Variants in MAPRE1 observed in about 807,000 individuals in gnomAD.
MAPRE1 encodes the protein microtubule associated protein RP/EB family member 1, also known as microtubule-associated protein RP/EB family member 1.
A neutral mutation model predicts 32.1 loss-of-function variants in MAPRE1; 5 were observed. The ratio of observed to expected loss-of-function variants is 0.16; its 90% CI spans 0.08 to 0.33. The LOEUF is 0.33. Ranked by LOEUF, MAPRE1 falls within the 10% of genes least tolerant of loss-of-function variation. The probability of loss-of-function intolerance (pLI) is 1.00; values close to 1 mark genes in which losing one functional copy is unlikely to be tolerated. For missense variants in MAPRE1, 209 were observed against 327.2 expected, an observed-to-expected ratio of 0.64 and a Z score of 2.79; for synonymous variants, 122 against 118.9, an observed-to-expected ratio of 1.03 and a Z score of -0.17.
At chr20:32,847,993 A>G (rs1456603462) in intron 6 of MAPRE1, among the ~76,000 whole-genome samples, 1 of 152,146 alleles carries the variant, frequency 6.6e-6, no homozygotes, top group East Asian at 1.9e-4. Context: ...TTATTGAGAG[A>G]AGATGTTAGA....
chr20:32,837,016 G>A (rs749874266), intron 4 of MAPRE1, among the ~76,000 whole-genome samples, 175 bp downstream of exon 4: 2 of 152,142 alleles, frequency 1.3e-5, no homozygotes, highest in South Asian at 4.1e-4. Context: ...GTGTCCTTAG[G>A]TGTCTGTAGC....
intron 2 of MAPRE1, among the ~76,000 whole-genome samples, chr20:32,831,464 C>CTT (rs76802491): frequency 7.4e-6 from 1 of 136,012 alleles, no homozygotes; most frequent in Non-Finnish European, 1.6e-5. Flanking sequence ...AAGTTGTTGA[C>CTT]TTTTTTTTTT....
rs568368208 is a variant in MAPRE1, at chr20:32,841,369, G to A, written c.597+1513G>A. On this transcript the variant is annotated intron_variant, in intron 5 of 6. Transcript: ENST00000375571. ...TACGAGAGAGTAAAGAGTGGTTAAT[G>A]TTGAGGCTGGGTAGCAGCGACTTGA... Among the ~76,000 whole-genome samples, 221 of 152,200 alleles carry A rather than the reference G, an allele frequency of 1.5e-3. 1 individual carries two copies. The highest frequency in any genetic ancestry group is 4.9e-3 in the African/African-American group (204 of 41,524).
chr20:32,844,129 C>T (rs995554996), intron 5 of MAPRE1, among the ~76,000 whole-genome samples: 3 of 152,170 alleles, frequency 2.0e-5, no homozygotes, highest in African/African-American at 7.2e-5. Context: ...GCTGGGATTA[C>T]AGATGTGAGC....
At chr20:32,824,717 C>T (rs1404809139) in intron 1 of MAPRE1, among the ~76,000 whole-genome samples, 2 of 151,292 alleles carry the variant, frequency 1.3e-5, no homozygotes, top group Middle Eastern at 3.4e-3. Context: ...ATCTCACTGC[C>T]TCAACCTCTT....
At position 32,839,819 on chromosome 20, in the gene MAPRE1, G is replaced by T; in HGVS notation, c.560G>T (p.Gly187Val). Residue 187 changes from glycine to valine, a missense_variant, in exon 5 of 7, where the codon GGC becomes GTC. Coordinates refer to ENST00000375571, the MANE Select transcript of MAPRE1 (RefSeq NM_012325.3). ...GTGGTGCGAAAGAACCCTGGTGTGG[G>T]CAACGGAGACGACGAGGCAGCTGAG... ...PGVVRKNPGVGNGDDEAAELM... is the reference protein window; with the variant it reads ...PGVVRKNPGVVNGDDEAAELM... 2 of 1,614,212 alleles carry T rather than the reference G, an allele frequency of 1.2e-6. No homozygotes were observed. Among genetic ancestry groups the T allele is most frequent in the Non-Finnish European group, 1.7e-6 (2 of 1,180,034 alleles).
chr20:32,846,767 A>G lies in MAPRE1; in HGVS notation c.747A>G (p.Thr249=). Residue 249 remains threonine, a synonymous_variant, in exon 6 of 7, where the codon ACA becomes ACG. Transcript: ENST00000375571. The part of the protein sequence containing the change: ...LQRIVDILYA[T]DEGFVIPDEG... ...GGATTGTAGACATTCTGTATGCCAC[A>G]GATGTATGTGTTTGACATGAGGATA... is the stretch of plus-strand genomic sequence containing the variant. The G allele has an allele frequency of 1.2e-6, 2 of 1,614,162 alleles. No homozygotes were observed. The highest frequency in any genetic ancestry group is 1.7e-6 in the Non-Finnish European group (2 of 1,179,986).
At chr20:32,825,290 A>G (rs1418998380) in intron 1 of MAPRE1, among the ~76,000 whole-genome samples, 1 of 152,180 alleles carries the variant, frequency 6.6e-6, no homozygotes, top group Non-Finnish European at 1.5e-5. Context: ...TCTGCCTCCC[A>G]TCATAAAAGC....
intron 6 of MAPRE1, 116 bp downstream of exon 6, chr20:32,846,886 C>T (rs1983519907): frequency 8.7e-7 from 1 of 1,145,220 alleles, no homozygotes; most frequent in Non-Finnish European, 1.3e-6. Context: ...TCATCTTTAA[C>T]CCCTCAAAGT....
chr20:32,822,473 A>G (rs187178), intron 1 of MAPRE1, among the ~76,000 whole-genome samples: 104,651 of 152,136 alleles, frequency 0.69, 38,126 homozygotes, highest in East Asian at 1. Context: ...ATCTCCGTGC[A>G]AGATGGTGCT....
At chr20:32,835,767 G>A (rs979168227) in intron 3 of MAPRE1, among the ~76,000 whole-genome samples, 1 of 151,516 alleles carries the variant, frequency 6.6e-6, no homozygotes, top group Non-Finnish European at 1.5e-5. Context: ...CACCACACCC[G>A]GCTAATTTTT....
chr20:32,848,562 A>G (rs961562806), intron 6 of MAPRE1, 110 bp from the exon 7 acceptor site: 16 of 758,178 alleles, frequency 2.1e-5, no homozygotes, highest in Non-Finnish European at 3.3e-5. Context: ...CCTGGCCTGT[A>G]TAGAGCCAGG....
intron 5 of MAPRE1, among the ~76,000 whole-genome samples, chr20:32,845,005 A>G (rs1277028573): frequency 8.0e-6 from 1 of 125,066 alleles, no homozygotes; most frequent in Non-Finnish European, 1.7e-5. Flanking sequence ...GTATGTATGT[A>G]TGTATGTATG....
intron 2 of MAPRE1, among the ~76,000 whole-genome samples, chr20:32,826,509 C>T (rs1193969990): frequency 5.6e-5 from 8 of 143,598 alleles, no homozygotes; most frequent in Non-Finnish European, 1.5e-5. Flanking sequence ...TGTGAGCCAC[C>T]ACGCCCGGCC....
At chr20:32,831,656 C>T (rs1256629319) in intron 2 of MAPRE1, among the ~76,000 whole-genome samples, 3 of 151,650 alleles carry the variant, frequency 2.0e-5, no homozygotes, top group Admixed American at 2.0e-4. Context: ...CCTCGGGTTC[C>T]CAAGCAGCTG....
chr20:32,832,933 ACT>A (rs1298978811), intron 2 of MAPRE1, among the ~76,000 whole-genome samples: 1 of 144,498 alleles, frequency 6.9e-6, no homozygotes, highest in African/African-American at 2.6e-5. Flanking sequence ...ACAGAGCGAG[ACT>A]CTGTCTCAAA....
chr20:32,825,910 C>T lies in MAPRE1; in HGVS notation c.-3-15C>T, dbSNP rs754420045. 6 of 1,574,134 alleles carry T rather than the reference C, an allele frequency of 3.8e-6. No individual in the cohort carries two copies. In the South Asian group the frequency reaches 6.8e-5, roughly 18 times the overall value. ...AATGTAACACAGGCCCTTCTCTTTT[C>T]TTCCCATGCTTTAGAAGATGGCAGT... is the stretch of plus-strand genomic sequence containing the variant. On this transcript the variant is annotated splice_polypyrimidine_tract_variant and intron_variant, in intron 1 of 6. Transcript: ENST00000375571.
intron 2 of MAPRE1, 99 bp from the exon 3 acceptor site, chr20:32,833,618 A>G: frequency 9.2e-7 from 1 of 1,089,236 alleles, no homozygotes; most frequent in South Asian, 1.6e-5. Flanking sequence ...TTGTAGGTCT[A>G]CTTCACAATT....
Position 32,825,939 on chromosome 20 carries a change from C to T in MAPRE1, c.12C>T (p.Asn4=). The change falls in exon 2 of 7, where the codon AAC becomes AAT. Residue 4 remains asparagine (N), a synonymous_variant. Coordinates refer to ENST00000375571, the MANE Select transcript of MAPRE1 (RefSeq NM_012325.3). ...CCATGCTTTAGAAGATGGCAGTGAACGTATACTCAACGTCAGTGACCAGTG... is the reference window on the plus strand; with the variant it reads ...CCATGCTTTAGAAGATGGCAGTGAATGTATACTCAACGTCAGTGACCAGTG... MAV[N]VYSTSVTSDN... 4 of 1,601,174 alleles carry T rather than the reference C, an allele frequency of 2.5e-6. No individual in the cohort carries two copies. The African/African-American group carries it at 4.0e-5, about 16-fold the overall frequency.
Sources: allele counts gnomAD v4.1 joint callset (sites outside exome capture counted in the v4.1 genomes callset), GRCh38; gene constraint gnomAD v4.1.1; transcripts MANE v1.5; gene names NCBI Gene and HGNC (gene_info 2026-07-23, HGNC 2026-07-21).